ZFPM2: variants seen among roughly 807,000 people sequenced by gnomAD.
ZFPM2 encodes zinc finger protein ZFPM2.
ZFPM2 carries 20 observed loss-of-function variants against 98.6 expected under a neutral mutation model. The observed-to-expected ratio is 0.20, with a 90% CI of 0.14 to 0.29. ZFPM2 has a LOEUF of 0.29. Ranked by LOEUF, ZFPM2 falls within the 10% of genes least tolerant of loss-of-function variation. ZFPM2 has a pLI of 1.00. For missense variants in ZFPM2, 1,310 were observed against 1,388.6 expected, an observed-to-expected ratio of 0.94 and a Z score of 0.90; for synonymous variants, 518 against 502.7, an observed-to-expected ratio of 1.03 and a Z score of -0.41.
At chr8:105,530,032 T>G (rs1027712119) in intron 3 of ZFPM2, among the ~76,000 whole-genome samples, 1 of 152,168 alleles carries the variant, frequency 6.6e-6, no homozygotes, top group Non-Finnish European at 1.5e-5. Context: ...TATACTTGAT[T>G]TGAAAAGTCA....
intron 1 of ZFPM2, among the ~76,000 whole-genome samples, chr8:105,319,253 C>T (rs1811971757): frequency 6.6e-6 from 1 of 152,154 alleles, no homozygotes; most frequent in South Asian, 2.1e-4. Context: ...TTTTTTAATT[C>T]CGACCCGCGC....
intron 4 of ZFPM2, among the ~76,000 whole-genome samples, chr8:105,573,676 A>G (rs1416470150): frequency 1.3e-5 from 2 of 152,260 alleles, no homozygotes; most frequent in Non-Finnish European, 2.9e-5. Context: ...AAATTAAAAT[A>G]TACAAAACGT....
At chr8:105,479,892 T>A (rs1479782539) in intron 3 of ZFPM2, among the ~76,000 whole-genome samples, 1 of 152,124 alleles carries the variant, frequency 6.6e-6, no homozygotes, top group Non-Finnish European at 1.5e-5. Context: ...TTCGACCAAT[T>A]TTTCTATGTA....
intron 3 of ZFPM2, among the ~76,000 whole-genome samples, chr8:105,504,877 A>T (rs1813665612): frequency 6.6e-6 from 1 of 152,178 alleles, no homozygotes. Context: ...CCCATAAATT[A>T]TTGTGGGAAT....
In ZFPM2 at chr8:105,634,376, C is replaced by G. The variant is rs1477819514; in HGVS notation, c.532+19C>G. On this transcript the variant is annotated intron_variant, in intron 5 of 7. Coordinates refer to ENST00000407775, the MANE Select transcript of ZFPM2 (RefSeq NM_012082.4). ...AGCAAAGGTAAATGCAAGATTGTTT[C>G]CCTCTCTCTTTGGAAGTATTAAAAC... 2.5e-6 allele frequency: 4 copies of G among 1,582,292 alleles called. No homozygotes were observed. In the East Asian group the frequency reaches 9.0e-5, roughly 36 times the overall value.
chr8:105,762,040 T>A (rs978422907), intron 5 of ZFPM2, among the ~76,000 whole-genome samples: 4 of 151,974 alleles, frequency 2.6e-5, no homozygotes, highest in Non-Finnish European at 5.9e-5. Flanking sequence ...ATTCATAGCA[T>A]AAGTTAATTC....
chr8:105,701,200 A>G (rs894536222), intron 5 of ZFPM2, among the ~76,000 whole-genome samples: 2 of 152,220 alleles, frequency 1.3e-5, no homozygotes, highest in African/African-American at 4.8e-5. Flanking sequence ...ATATTTTTAG[A>G]CATCTGACAA....
chr8:105,478,498 T>C (rs866478407), intron 3 of ZFPM2, among the ~76,000 whole-genome samples: 34 of 152,328 alleles, frequency 2.2e-4, no homozygotes, highest in African/African-American at 7.9e-4. Context: ...GTTAGCTAAA[T>C]TAATACATCT....
At chr8:105,534,948 G>T (rs764311656) in intron 3 of ZFPM2, among the ~76,000 whole-genome samples, 10 of 152,122 alleles carry the variant, frequency 6.6e-5, no homozygotes, top group Non-Finnish European at 1.5e-4. Context: ...GTAACAGCAA[G>T]TTTTCAGACA....
chr8:105,625,341 TAGG>T (rs1184048370), intron 4 of ZFPM2, among the ~76,000 whole-genome samples: 2 of 152,198 alleles, frequency 1.3e-5, no homozygotes, highest in Non-Finnish European at 2.9e-5. Context: ...GTTCTTTTAA[TAGG>T]AGTTTGGAAG....
chr8:105,526,459 C>T (rs905211366), intron 3 of ZFPM2, among the ~76,000 whole-genome samples: 1 of 152,172 alleles, frequency 6.6e-6, no homozygotes, highest in Admixed American at 6.5e-5. Context: ...AGATACTCAA[C>T]TGCTGTATTT....
At chr8:105,799,686 G>A (rs1330534902) in intron 7 of ZFPM2, among the ~76,000 whole-genome samples, 2 of 152,096 alleles carry the variant, frequency 1.3e-5, no homozygotes, top group African/African-American at 4.8e-5. Context: ...TTATTCAAAT[G>A]TACAGAATTC....
chr8:105,760,587 A>T (rs1812712896), intron 5 of ZFPM2, among the ~76,000 whole-genome samples: 1 of 152,096 alleles, frequency 6.6e-6, no homozygotes, highest in African/African-American at 2.4e-5. Flanking sequence ...TATAGTGTTT[A>T]GACCAAGGCA....
chr8:105,692,164 G>A (rs1427696590), intron 5 of ZFPM2, among the ~76,000 whole-genome samples: 2 of 152,160 alleles, frequency 1.3e-5, no homozygotes, highest in Non-Finnish European at 2.9e-5. Flanking sequence ...GGTTTATAAG[G>A]TGACTAAGTC....
At chr8:105,612,003 C>T (rs1816317949) in intron 4 of ZFPM2, among the ~76,000 whole-genome samples, 1 of 151,930 alleles carries the variant, frequency 6.6e-6, no homozygotes, top group Non-Finnish European at 1.5e-5. Context: ...CCAGTCTGAC[C>T]CTTATTCTTA....
At chr8:105,643,011 G>A (rs1396552243) in intron 5 of ZFPM2, among the ~76,000 whole-genome samples, 1 of 152,140 alleles carries the variant, frequency 6.6e-6, no homozygotes, top group Non-Finnish European at 1.5e-5. Context: ...AAAAGTTCCT[G>A]AGAGCCATGT....
At chr8:105,787,901 G>T (rs1420343777) in intron 5 of ZFPM2, among the ~76,000 whole-genome samples, 1 of 152,190 alleles carries the variant, frequency 6.6e-6, no homozygotes, top group African/African-American at 2.4e-5. Context: ...CAATACATTA[G>T]ATGTACTTGC....
chr8:105,444,717 C>T (rs1409315232), intron 3 of ZFPM2, among the ~76,000 whole-genome samples: 1 of 151,972 alleles, frequency 6.6e-6, no homozygotes, highest in Non-Finnish European at 1.5e-5. Context: ...AAACAAGAAA[C>T]AGTACTTCAA....
At chr8:105,503,272 A>G (rs1813632749) in intron 3 of ZFPM2, among the ~76,000 whole-genome samples, 1 of 152,224 alleles carries the variant, frequency 6.6e-6, no homozygotes, top group Admixed American at 6.5e-5. Flanking sequence ...CGAAGAGGGT[A>G]GAAGAGGGCT....
Sources: allele counts gnomAD v4.1 joint callset (sites outside exome capture counted in the v4.1 genomes callset), GRCh38; gene constraint gnomAD v4.1.1; transcripts MANE v1.5; gene names NCBI Gene and HGNC (gene_info 2026-07-23, HGNC 2026-07-21).